CLUL1: variants seen among roughly 807,000 people sequenced by gnomAD.
CLUL1 encodes the protein clusterin-like protein 1.
A neutral mutation model predicts 49.4 loss-of-function variants in CLUL1; 43 were observed. That is an observed-to-expected ratio of 0.87 (90% confidence interval 0.68 to 1.12). CLUL1 has a LOEUF of 1.12. CLUL1 is among the 50% of genes most tolerant of loss of function. The pLI is 0.00. For synonymous variants in CLUL1, 192 were observed against 184.9 expected, an observed-to-expected ratio of 1.04 and a Z score of -0.31; for missense variants, 486 against 544.4, an observed-to-expected ratio of 0.89 and a Z score of 1.07.
At chr18:602,371 G>A (rs891583175) in intron 1 of CLUL1, among the ~76,000 whole-genome samples, 2 of 152,102 alleles carry the variant, frequency 1.3e-5, no homozygotes, top group African/African-American at 4.8e-5. Context: ...AGGAAGGGGG[G>A]CTGGATCACT....
rs1406303526 is a variant in CLUL1 at position 641,682 on chromosome 18, T to C, written c.1209+141T>C. Reference sequence around the variant, plus strand: ...ATTTCCATTGTGATTGCCTTCAGGCTGACTTGATTTAACGTAGTTCATGGT... The same window carrying C: ...ATTTCCATTGTGATTGCCTTCAGGCCGACTTGATTTAACGTAGTTCATGGT... On this transcript the variant is annotated intron_variant, in intron 8 of 9. Coordinates refer to ENST00000692774, the MANE Select transcript of CLUL1 (RefSeq NM_001393344.1). The C allele has an allele frequency of 1.4e-5, 10 of 699,508 alleles. No homozygotes were observed. The Admixed American group carries it at 2.5e-4, about 17-fold the overall frequency. 43.3% of individuals were successfully genotyped at this position (699,508 alleles called of 1,614,324 possible).
intron 4 of CLUL1, among the ~76,000 whole-genome samples, chr18:620,227 C>A (rs2073449282): frequency 6.6e-6 from 1 of 152,182 alleles, no homozygotes; most frequent in South Asian, 2.1e-4. Flanking sequence ...TTTTAGCCGA[C>A]TTGCCAGATC....
Position 650,007 on chromosome 18 carries a change from A to G in CLUL1, c.*106A>G. The G allele has an allele frequency of 2.5e-6, 2 of 793,332 alleles. No homozygotes were observed. The highest frequency in any genetic ancestry group is 3.4e-5 in the South Asian group (2 of 59,578). 49.1% of individuals were successfully genotyped at this position (793,332 alleles called of 1,614,324 possible). ...AATGCAATAAACACAGTTGCAGGAA[A>G]GTATGTTAGCTATATACTATGAAGT... is the stretch of plus-strand genomic sequence containing the variant. On this transcript the variant is annotated 3_prime_UTR_variant, in exon 10 of 10. Transcript: ENST00000692774.
Position 642,044 on chromosome 18 carries a change from G to A in CLUL1, c.1209+503G>A, listed in dbSNP as rs185090247. Among the ~76,000 whole-genome samples, 26 of 152,246 alleles carry A rather than the reference G, an allele frequency of 1.7e-4. No homozygotes were observed. In the East Asian group the frequency reaches 3.3e-3, roughly 19 times the overall value. On this transcript the variant is annotated intron_variant, in intron 8 of 9. Transcript: ENST00000692774. The stretch of plus-strand genomic sequence containing the variant: ...TATAGATTTCTTATACAAAACAAGA[G>A]CTCTGTAAATTATAGCTCTTATTAG...
intron 9 of CLUL1, 200 bp from the exon 10 acceptor site, chr18:649,698 G>T (rs2074620658): frequency 2.0e-6 from 1 of 497,830 alleles, no homozygotes; most frequent in Non-Finnish European, 3.6e-6. Flanking sequence ...GGAAAGCTGT[G>T]ACGATTTCTT....
In CLUL1 at chr18:627,412, G is replaced by A. The variant is rs757232437; in HGVS notation, c.739G>A (p.Asp247Asn). 2 of 1,614,008 alleles carry A rather than the reference G, an allele frequency of 1.2e-6. No individual in the cohort carries two copies. Among genetic ancestry groups the A allele is most frequent in the Non-Finnish European group, 1.7e-6 (2 of 1,180,004 alleles). ...AAAAGCAGATCTTGAGCAATGTTGG[G>A]ACATTCCCAACTTCTTCCAGCTGTT... ...MTKADLEQCWDIPNFFQLFCN... is the reference protein window; with the variant it reads ...MTKADLEQCWNIPNFFQLFCN... The change falls in exon 6 of 10, where the codon GAC becomes AAC. Residue 247 changes from aspartate to asparagine, a missense_variant. Asp to Asn is a conservative substitution (Grantham distance 23). Coordinates refer to ENST00000692774, the MANE Select transcript of CLUL1 (RefSeq NM_001393344.1).
chr18:621,149 A>G (rs563273143), intron 4 of CLUL1, among the ~76,000 whole-genome samples: 3 of 152,220 alleles, frequency 2.0e-5, no homozygotes, highest in South Asian at 2.1e-4. Context: ...AAGTCTATAC[A>G]TATTAAACAA....
At chr18:607,430 A>G (rs924151734) in intron 2 of CLUL1, among the ~76,000 whole-genome samples, 2 of 151,550 alleles carry the variant, frequency 1.3e-5, no homozygotes, top group Middle Eastern at 3.6e-3. Context: ...CGCCCAGCCT[A>G]TTTTATTTTA....
chr18:607,126 T>C lies in CLUL1; in HGVS notation c.-14+27T>C, dbSNP rs973992528. On this transcript the variant is annotated intron_variant, in intron 2 of 9. Transcript: ENST00000692774. ...TATGCACCGCTATACCCGTCTATCTTTTATTTATTTATTTATTTAGAGACA... is the reference window on the plus strand; with the variant it reads ...TATGCACCGCTATACCCGTCTATCTCTTATTTATTTATTTATTTAGAGACA... 8 of 695,484 alleles carry C rather than the reference T, an allele frequency of 1.2e-5. No individual in the cohort carries two copies. In the East Asian group the frequency reaches 2.2e-4, roughly 19 times the overall value. The allele number at this position is 695,484 out of a possible 1,614,324, so 43.1% of individuals were successfully genotyped here.
chr18:607,739 T>C (rs1262149158), intron 2 of CLUL1, among the ~76,000 whole-genome samples: 1 of 152,070 alleles, frequency 6.6e-6, no homozygotes, highest in Admixed American at 6.5e-5. Flanking sequence ...TTTTAAAAAA[T>C]TTTCAAGAGA....
At chr18:632,350 GT>G (rs1285591853) in intron 6 of CLUL1, among the ~76,000 whole-genome samples, 1 of 151,624 alleles carries the variant, frequency 6.6e-6, no homozygotes, top group Admixed American at 6.6e-5. Flanking sequence ...GTGTGTGTGT[GT>G]GTGTATATAT....
At chr18:626,911 GA>G (rs376252345) in intron 5 of CLUL1, among the ~76,000 whole-genome samples, 185 bp from the exon 6 acceptor site, 1 of 1,396 alleles carries the variant, frequency 7.2e-4, no homozygotes, top group African/African-American at 7.7e-4. Context: ...AAGAAAGAAA[GA>G]AAGAAAGAAA....
chr18:642,664 A>T (rs1272727323), intron 8 of CLUL1, among the ~76,000 whole-genome samples: 3 of 152,198 alleles, frequency 2.0e-5, no homozygotes, highest in Non-Finnish European at 4.4e-5. Flanking sequence ...TACTGGGCAG[A>T]GCAATTGAAG....
At chr18:645,772 C>A (rs1268140256) in intron 9 of CLUL1, among the ~76,000 whole-genome samples, 3 of 94,032 alleles carry the variant, frequency 3.2e-5, no homozygotes, top group African/African-American at 4.5e-5. Flanking sequence ...CCAGCCTGGG[C>A]GACAGAGCGA....
chr18:606,814 G>C lies in CLUL1; in HGVS notation c.-135-164G>C, dbSNP rs938946625. On this transcript the variant is annotated intron_variant, in intron 1 of 9. Coordinates refer to ENST00000692774, the MANE Select transcript of CLUL1 (RefSeq NM_001393344.1). The surrounding 1 kb of genome is among the most constrained non-coding windows in gnomAD (Gnocchi z 4.1). ...AGATATGATTCTCCCGGAGTGTTTA[G>C]AGCAGGAATGTTCTTGGGCATCTGC... Among the ~76,000 whole-genome samples the C allele has an allele frequency of 6.6e-6, 1 of 152,134 alleles. No homozygotes were observed.
At chr18:601,156 G>A (rs932190359) in intron 1 of CLUL1, among the ~76,000 whole-genome samples, 1 of 152,204 alleles carries the variant, frequency 6.6e-6, no homozygotes, top group African/African-American at 2.4e-5. Flanking sequence ...TTGTTCAACT[G>A]ATAGATGAGC....
intron 1 of CLUL1, among the ~76,000 whole-genome samples, chr18:602,928 A>G (rs139477084): frequency 8.4e-4 from 128 of 152,310 alleles, no homozygotes; most frequent in African/African-American, 2.7e-3. Flanking sequence ...CTGGGGTCAG[A>G]GAGTTTCAGG....
intron 9 of CLUL1, among the ~76,000 whole-genome samples, chr18:645,533 T>A (rs1030227095): frequency 6.6e-6 from 1 of 151,880 alleles, no homozygotes; most frequent in Non-Finnish European, 1.5e-5. Context: ...CAGTGGCTCA[T>A]GCCTGTAATC....
At chr18:604,653 A>T (rs2072920736) in intron 1 of CLUL1, among the ~76,000 whole-genome samples, 1 of 152,242 alleles carries the variant, frequency 6.6e-6, no homozygotes, top group Non-Finnish European at 1.5e-5. Flanking sequence ...AAACTTGACA[A>T]CAGTGATGCA....
Sources: allele counts gnomAD v4.1 joint callset (sites outside exome capture counted in the v4.1 genomes callset), GRCh38; gene constraint gnomAD v4.1.1; non-coding constraint Gnocchi (gnomAD v3.1); transcripts MANE v1.5; gene names NCBI Gene and HGNC (gene_info 2026-07-23, HGNC 2026-07-21).